Variants in PDE3B observed in about 807,000 individuals in gnomAD.
PDE3B encodes cGMP-inhibited 3',5'-cyclic phosphodiesterase 3B.
Under a neutral mutation model 116.8 loss-of-function variants are expected in PDE3B, and 66 were observed. The observed-to-expected ratio is 0.56, with a 90% confidence interval of 0.46 to 0.69. The LOEUF is 0.69. PDE3B is among the 30% of genes least tolerant of loss of function. The pLI is 0.00. For synonymous variants in PDE3B, 595 were observed against 533.6 expected, an observed-to-expected ratio of 1.12 and a Z score of -1.59; for missense variants, 1,384 against 1,368.1, an observed-to-expected ratio of 1.01 and a Z score of -0.18.
chr11:14,682,305 A>G (rs1221753999), intron 1 of PDE3B, among the ~76,000 whole-genome samples: 2 of 151,940 alleles, frequency 1.3e-5, no homozygotes, highest in African/African-American at 4.8e-5. Flanking sequence ...GGACAGTTTG[A>G]TTTCTTTCTT....
Position 14,867,763 on chromosome 11 carries a change from G to T in PDE3B, c.3139+5G>T. The T allele has an allele frequency of 6.3e-7, 1 of 1,586,840 alleles. No homozygotes were observed. The highest frequency in any genetic ancestry group is 1.1e-5 in the South Asian group (1 of 90,246). ...TGGAAAACAATCTAAATCCAAGTAAGAATATAGGGACATTATAATTTATTT... is the reference window on the plus strand; with the variant it reads ...TGGAAAACAATCTAAATCCAAGTAATAATATAGGGACATTATAATTTATTT... On this transcript the variant is annotated splice_donor_5th_base_variant and intron_variant, in intron 15 of 15. Transcript: ENST00000282096.
intron 1 of PDE3B, among the ~76,000 whole-genome samples, chr11:14,648,370 G>A (rs1196513486): frequency 6.6e-6 from 1 of 152,026 alleles, no homozygotes; most frequent in Non-Finnish European, 1.5e-5. Flanking sequence ...GTATACATAT[G>A]TAGTGTGAGA....
At chr11:14,838,725 T>G (rs1301184473) in intron 11 of PDE3B, among the ~76,000 whole-genome samples, 4 of 152,230 alleles carry the variant, frequency 2.6e-5, no homozygotes, top group Non-Finnish European at 5.9e-5. Context: ...CCAATTCATA[T>G]TGGTAGAAAC....
intron 7 of PDE3B, among the ~76,000 whole-genome samples, chr11:14,823,242 A>G (rs191498348): frequency 2.6e-5 from 4 of 152,302 alleles, no homozygotes; most frequent in East Asian, 3.9e-4. Context: ...CAGTAGCTCT[A>G]TGGGAAAGCA....
chr11:14,774,702 A>C (rs1440271261), intron 2 of PDE3B: 3 of 152,252 alleles, frequency 2.0e-5, no homozygotes, highest in Non-Finnish European at 4.4e-5. Context: ...AGCTTTTAAA[A>C]TTGTGGCAAA....
intron 1 of PDE3B, among the ~76,000 whole-genome samples, chr11:14,675,969 C>T (rs1286677814): frequency 6.6e-6 from 1 of 152,056 alleles, no homozygotes; most frequent in African/African-American, 2.4e-5. Context: ...TACACTTTTT[C>T]AAAGTGGTTG....
At chr11:14,855,463 T>C (rs1555006025) in intron 12 of PDE3B, among the ~76,000 whole-genome samples, 1 of 152,246 alleles carries the variant, frequency 6.6e-6, no homozygotes, top group Non-Finnish European at 1.5e-5. Context: ...GAATGAAGTC[T>C]CTAAAATTCT....
intron 1 of PDE3B, among the ~76,000 whole-genome samples, chr11:14,664,300 C>A (rs1446123095): frequency 6.6e-6 from 1 of 151,766 alleles, no homozygotes; most frequent in African/African-American, 2.4e-5. Flanking sequence ...AGTAAATGCC[C>A]ACAAGAGAAA....
intron 4 of PDE3B, among the ~76,000 whole-genome samples, chr11:14,799,575 T>C (rs897280522): frequency 1.6e-4 from 25 of 152,058 alleles, no homozygotes; most frequent in African/African-American, 6.0e-4. Flanking sequence ...CTAAGTCTCT[T>C]TGTAGGTCTC....
At chr11:14,645,412 T>C (rs1208433929) in intron 1 of PDE3B, among the ~76,000 whole-genome samples, 2 of 152,228 alleles carry the variant, frequency 1.3e-5, no homozygotes, top group African/African-American at 2.4e-5. Context: ...TCCTCTGATA[T>C]GTGTCTTTTT....
intron 5 of PDE3B, among the ~76,000 whole-genome samples, chr11:14,816,421 T>G (rs1262586125): frequency 7.8e-6 from 1 of 127,888 alleles, no homozygotes; most frequent in Non-Finnish European, 1.8e-5. Flanking sequence ...TTTACTTGGG[T>G]CTTTATTTTC....
intron 2 of PDE3B, among the ~76,000 whole-genome samples, chr11:14,777,116 TA>T (rs1396811305): frequency 6.6e-6 from 1 of 152,110 alleles, no homozygotes; most frequent in Admixed American, 6.5e-5. Context: ...AATAGAAATT[TA>T]AAATTACTGG....
At position 14,644,061 on chromosome 11, in the gene PDE3B, C is replaced by G. The variant is rs763838039; in HGVS notation, c.-15C>G. 6.7e-7 allele frequency: 1 copy of G among 1,498,650 alleles called. No individual in the cohort carries two copies. Among genetic ancestry groups the G allele is most frequent in the East Asian group, 2.5e-5 (1 of 39,866 alleles). 92.8% of individuals were successfully genotyped at this position (1,498,650 alleles called of 1,614,324 possible). A position where few individuals can be genotyped will look rare whatever the true frequency, so the allele number is the denominator to read the frequency against. ...CGGGGTGTGCTGAGTCCCGTGGCCA[C>G]CCCCGGCCCCAGCCATGAGGAGGGA... On this transcript the variant is annotated 5_prime_UTR_variant, in exon 1 of 16. Transcript: ENST00000282096.
At chr11:14,706,878 G>A (rs1325965473) in intron 1 of PDE3B, among the ~76,000 whole-genome samples, 1 of 151,818 alleles carries the variant, frequency 6.6e-6, no homozygotes, top group Non-Finnish European at 1.5e-5. Flanking sequence ...TTTGGTACAT[G>A]CCATATTAGA....
At chr11:14,824,018 G>A (rs954277681) in intron 7 of PDE3B, among the ~76,000 whole-genome samples, 2 of 152,176 alleles carry the variant, frequency 1.3e-5, no homozygotes, top group African/African-American at 4.8e-5. Context: ...GGGACCAGGG[G>A]CTAGCTAGTC....
chr11:14,845,069 C>T (rs1472152604), intron 12 of PDE3B, among the ~76,000 whole-genome samples: 1 of 152,148 alleles, frequency 6.6e-6, no homozygotes, highest in East Asian at 1.9e-4. Context: ...CCCCGAGCAG[C>T]CTAACTGGGA....
intron 12 of PDE3B, among the ~76,000 whole-genome samples, chr11:14,853,197 A>G (rs1290653839): frequency 6.6e-6 from 1 of 151,884 alleles, no homozygotes; most frequent in Non-Finnish European, 1.5e-5. Flanking sequence ...CCTTCTTTAT[A>G]CCATTATGCT....
chr11:14,721,349 T>TGTGGA (rs938171762), intron 1 of PDE3B, among the ~76,000 whole-genome samples: 1 of 151,878 alleles, frequency 6.6e-6, no homozygotes, highest in African/African-American at 2.4e-5. Context: ...GTACAACCAT[T>TGTGGA]GTGGAAGTCA....
chr11:14,834,953 C>A, intron 10 of PDE3B, 29 bp from the exon 11 acceptor site: 2 of 1,316,774 alleles, frequency 1.5e-6, no homozygotes, highest in Non-Finnish European at 1.1e-6. Context: ...TGTGTTAAAC[C>A]TAACAGAAAA....
Sources: allele counts gnomAD v4.1 joint callset (sites outside exome capture counted in the v4.1 genomes callset), GRCh38; gene constraint gnomAD v4.1.1; transcripts MANE v1.5; gene names NCBI Gene and HGNC (gene_info 2026-07-23, HGNC 2026-07-21).